Variants in PTGER3 observed in about 807,000 individuals in gnomAD.
PTGER3 encodes the protein prostaglandin E receptor 3, also known as prostaglandin E2 receptor EP3 subtype.
In PTGER3, 22 loss-of-function variants were observed where a neutral mutation model predicts 34.7. That is an observed-to-expected ratio of 0.63 (90% CI 0.45 to 0.91). The LOEUF (loss-of-function observed/expected upper bound fraction) is 0.91, where lower values mean the gene tolerates loss of function less well. PTGER3 is among the 40% of genes least tolerant of loss of function. The pLI, the probability that PTGER3 is intolerant of heterozygous loss-of-function variation, is 0.00. For synonymous variants in PTGER3, 241 were observed against 230.1 expected (o/e 1.05, Z -0.43); for missense variants, 468 against 519.4 (o/e 0.90, Z 0.96).
chr1:71,019,385 G>A (rs1187141251), intron 1 of PTGER3, among the ~76,000 whole-genome samples: 1 of 152,174 alleles, frequency 6.6e-6, no homozygotes, highest in African/African-American at 2.4e-5. Flanking sequence ...CGGAGCTGCA[G>A]CTGTTCTGTC....
intron 4 of PTGER3, among the ~76,000 whole-genome samples, chr1:70,892,051 T>G (rs1421866661): frequency 6.6e-6 from 1 of 152,214 alleles, no homozygotes; most frequent in Non-Finnish European, 1.5e-5. Context: ...GCTACTTACC[T>G]CTTTATAATT....
intron 2 of PTGER3, chr1:71,009,399 A>G (rs1406773904): frequency 6.1e-6 from 6 of 980,294 alleles, no homozygotes; most frequent in African/African-American, 3.5e-5. Flanking sequence ...ACATTTACCT[A>G]AAATATCTTG....
intron 4 of PTGER3, among the ~76,000 whole-genome samples, chr1:70,853,861 T>G (rs997773039): frequency 5.9e-5 from 9 of 152,246 alleles, no homozygotes; most frequent in African/African-American, 2.2e-4. Context: ...GCCAAAACCA[T>G]ACAATGGGCT....
intron 4 of PTGER3, among the ~76,000 whole-genome samples, chr1:70,876,874 G>C (rs1646283972): frequency 6.6e-6 from 1 of 152,176 alleles, no homozygotes; most frequent in African/African-American, 2.4e-5. Flanking sequence ...AGTATAGTTT[G>C]AAGTTGGGTA....
At chr1:70,967,883 T>C (rs1652689414), downstream of PTGER3, among the ~76,000 whole-genome samples, 2 of 152,188 alleles carry the variant, frequency 1.3e-5, no homozygotes, top group East Asian at 1.9e-4. Context: ...TCTGTGGATA[T>C]ATTTTATTAT....
intron 4 of PTGER3, chr1:70,886,407 G>A: frequency 2.7e-6 from 1 of 364,218 alleles, no homozygotes; most frequent in Non-Finnish European, 5.6e-6. Flanking sequence ...GACCAAAACA[G>A]GGATACAATA....
chr1:70,976,423 GC>G (rs1325849990), intron 2 of PTGER3, among the ~76,000 whole-genome samples: 3 of 152,112 alleles, frequency 2.0e-5, no homozygotes, highest in Non-Finnish European at 4.4e-5. Flanking sequence ...AATGGAGGAG[GC>G]TATGCATATG....
intron 2 of PTGER3, among the ~76,000 whole-genome samples, chr1:70,987,038 G>T (rs1654990348): frequency 6.6e-6 from 1 of 152,098 alleles, no homozygotes; most frequent in South Asian, 2.1e-4. Flanking sequence ...TACTATAATT[G>T]TATTACAGCC....
At chr1:70,997,590 C>T (rs1656105256) in intron 2 of PTGER3, among the ~76,000 whole-genome samples, 1 of 152,134 alleles carries the variant, frequency 6.6e-6, no homozygotes, top group South Asian at 2.1e-4. Context: ...AAAGTAATTG[C>T]TGTAGCTCTT....
chr1:71,044,319 C>A (rs542073794), intron 1 of PTGER3, among the ~76,000 whole-genome samples: 9 of 150,828 alleles, frequency 6.0e-5, no homozygotes, highest in Non-Finnish European at 1.3e-4. Flanking sequence ...CGCCTGTAAT[C>A]CTAGTGACTC....
At chr1:70,973,640 A>G (rs1653375395) in intron 3 of PTGER3, among the ~76,000 whole-genome samples, 1 of 152,198 alleles carries the variant, frequency 6.6e-6, no homozygotes, top group Non-Finnish European at 1.5e-5. Context: ...CTCATTTGAT[A>G]AGTCAACTGT....
intron 4 of PTGER3, among the ~76,000 whole-genome samples, chr1:70,897,854 T>G (rs1421164274): frequency 2.0e-5 from 3 of 152,198 alleles, no homozygotes; most frequent in African/African-American, 7.2e-5. Flanking sequence ...TTTGTTTGAT[T>G]TGTATCTCCC....
chr1:71,009,078 A>G (rs1178861014), intron 2 of PTGER3: 1 of 985,108 alleles, frequency 1.0e-6, no homozygotes, highest in Admixed American at 6.2e-5. Context: ...AAAGCTGACC[A>G]ATAATTTGGA....
At chr1:71,042,782 G>GA (rs552109682) in intron 1 of PTGER3, among the ~76,000 whole-genome samples, 2 of 151,782 alleles carry the variant, frequency 1.3e-5, no homozygotes, top group African/African-American at 2.4e-5. Context: ...TAACTAAAAT[G>GA]AAAAAAAATC....
chr1:70,956,327 C>T (rs910164725), intron 2 of PTGER3, among the ~76,000 whole-genome samples: 2 of 151,878 alleles, frequency 1.3e-5, no homozygotes, highest in Non-Finnish European at 2.9e-5. Flanking sequence ...TGGGAAAACA[C>T]AGCAAGAAGT....
intron 4 of PTGER3, among the ~76,000 whole-genome samples, chr1:70,911,397 G>A (rs1234287850): frequency 6.6e-5 from 10 of 151,884 alleles, no homozygotes; most frequent in African/African-American, 1.7e-4. Context: ...ATATTCTTAC[G>A]GGAACAACAG....
chr1:71,040,450 T>C (rs1416117013), intron 1 of PTGER3, among the ~76,000 whole-genome samples: 2 of 149,784 alleles, frequency 1.3e-5, no homozygotes, highest in Non-Finnish European at 3.0e-5. Flanking sequence ...AAAAAAAAAA[T>C]ACAAAAATTA....
exon 5 of PTGER3, chr1:70,852,654 G>C (rs1645706677): frequency 1.4e-6 from 1 of 720,202 alleles, no homozygotes; most frequent in Non-Finnish European, 2.4e-6. Context: ...TATAGTAAAA[G>C]TACAAAAACA....
At position 70,852,888 on chromosome 1, in the gene PTGER3, G is replaced by T. The variant is rs760448952; in HGVS notation, c.*24-29C>A. ...GAAAACAAACAAATCAATTAGGATA[G>T]CCAATAATAAATGCACTGTTAATAT... On this transcript the variant is annotated intron_variant, in intron 4 of 4. Transcript: ENST00000370931. 11 of 1,607,748 alleles carry T rather than the reference G, an allele frequency of 6.8e-6. No individual in the cohort carries two copies. In the East Asian group the frequency reaches 2.2e-4, roughly 33 times the overall value.
Sources: gnomAD v4.1 joint callset for allele counts (sites outside exome capture counted in the v4.1 genomes callset) on GRCh38, gnomAD v4.1.1 for gene constraint, MANE v1.5 for transcripts, NCBI Gene and HGNC (gene_info 2026-07-23, HGNC 2026-07-21) for gene names.